TBC1D8B: variants seen among roughly 807,000 people sequenced by gnomAD.
TBC1D8B encodes the protein RP11-321G1.1.
In TBC1D8B, 75 loss-of-function variants were observed where a neutral mutation model predicts 82.9. The ratio of observed to expected loss-of-function variants is 0.90; its 90% CI spans 0.75 to 1.10. The LOEUF is 1.10. TBC1D8B is among the 50% of genes least tolerant of loss of function. The pLI is 0.00. For synonymous variants in TBC1D8B, 276 were observed against 276.8 expected, an observed-to-expected ratio of 1.00 and a Z score of 0.03; for missense variants, 794 against 796.9, an observed-to-expected ratio of 1.00 and a Z score of 0.04.
At chrX:106,809,310 A>G (rs1931286167) in intron 1 of TBC1D8B, among the ~76,000 whole-genome samples, 1 of 111,371 alleles carries the variant, frequency 9.0e-6, no homozygotes. Flanking sequence ...AGTATATGAT[A>G]TGACTGGTGC....
intron 1 of TBC1D8B, among the ~76,000 whole-genome samples, chrX:106,803,905 A>G (rs964296241): frequency 2.7e-5 from 3 of 111,637 alleles, no homozygotes; most frequent in African/African-American, 9.8e-5. Flanking sequence ...GAAGTGGTAG[A>G]CCAGGCAGCG....
At chrX:106,825,949 A>T in intron 5 of TBC1D8B, 81 bp from the exon 6 acceptor site, 1 of 800,981 alleles carries the variant, frequency 1.2e-6, no homozygotes, top group Non-Finnish European at 1.8e-6. Flanking sequence ...TATGTAGATT[A>T]GTCAATATAG....
intron 7 of TBC1D8B, 107 bp downstream of exon 7, chrX:106,827,444 GT>G (rs757295574): frequency 7.9e-5 from 69 of 872,950 alleles, no homozygotes; most frequent in Non-Finnish European, 1.0e-4. Flanking sequence ...ATGCCCAGGG[GT>G]TTTTTTTAAA....
chrX:106,853,431 TCTAA>T lies in TBC1D8B; in HGVS notation c.2124-82_2124-79del, dbSNP rs200230848. The T allele has an allele frequency of 1.6e-3, 1,571 of 953,322 alleles. 19 individuals are homozygous for T. In the African/African-American group the frequency reaches 0.027, roughly 17 times the overall value. The allele number at this position is 953,322 out of a possible 1,213,427, so 78.6% of individuals were successfully genotyped here. A position where few individuals can be genotyped will look rare whatever the true frequency, so the allele number is the denominator to read the frequency against. On this transcript the variant is annotated intron_variant, in intron 12 of 20. Transcript: ENST00000357242. Reference sequence around the variant, plus strand: ...CTTGTCCTCTCAGTTGAAAGTAACCTCTAACTAACTAGGGAGAAATTATGTGTCA... The same window carrying T: ...CTTGTCCTCTCAGTTGAAAGTAACCTCTAACTAGGGAGAAATTATGTGTCA...
rs1931835364 is a variant in TBC1D8B at position 106,826,100 on chromosome X, AAAG to A, written c.902_904del (p.Glu301del). 8.3e-7 allele frequency: 1 copy of A among 1,209,157 alleles called. No individual in the cohort carries two copies. ...TAGGCTGCCCAAAGGAGAGAGTTTG[AAAG>A]AAGTACATGAATGTTTCTTATGGGT... On this transcript the variant is annotated inframe_deletion, in exon 6 of 21. Transcript: ENST00000357242.
chrX:106,828,571 C>T (rs1931926874), intron 7 of TBC1D8B: 1 of 110,153 alleles, frequency 9.1e-6, no homozygotes. Context: ...AATCCAGCAG[C>T]ACATCAAAAA....
chrX:106,826,081 G>T lies in TBC1D8B; in HGVS notation c.879G>T (p.Leu293=). The T allele has an allele frequency of 8.3e-7, 1 of 1,210,628 alleles. No homozygotes were observed. The highest frequency in any genetic ancestry group is 1.8e-5 in the South Asian group (1 of 56,930). The change falls in exon 6 of 21, where the codon CTG becomes CTT. Residue 293 remains leucine, a synonymous_variant. Transcript: ENST00000357242. Reference sequence around the variant, plus strand: ...AGCAATTTAATGCCTTTTTTAGGCTGCCCAAAGGAGAGAGTTTGAAAGAAG... The same window carrying T: ...AGCAATTTAATGCCTTTTTTAGGCTTCCCAAAGGAGAGAGTTTGAAAGAAG... The part of the protein sequence containing the change: ...HSEQFNAFFR[L]PKGESLKEVH...
chrX:106,829,327 A>T (rs1931957840), intron 7 of TBC1D8B: 1 of 106,361 alleles, frequency 9.4e-6, no homozygotes, highest in Non-Finnish European at 1.9e-5. Flanking sequence ...TTCCATGCTC[A>T]TGGGTAGGAA....
intron 1 of TBC1D8B, among the ~76,000 whole-genome samples, chrX:106,807,219 C>A (rs933672919): frequency 1.9e-5 from 2 of 106,642 alleles, no homozygotes; most frequent in Admixed American, 2.1e-4. Context: ...CCCATACACA[C>A]ACACACAAAC....
intron 1 of TBC1D8B, among the ~76,000 whole-genome samples, chrX:106,813,658 T>C (rs1395846833): frequency 8.9e-6 from 1 of 112,090 alleles, no homozygotes; most frequent in Non-Finnish European, 1.9e-5. Flanking sequence ...CATTTGAAAT[T>C]CTAATTCCTT....
intron 11 of TBC1D8B, chrX:106,849,783 G>A (rs1932548854): frequency 2.2e-6 from 2 of 911,910 alleles, no homozygotes; most frequent in African/African-American, 4.1e-5. Flanking sequence ...ATAATACCTA[G>A]TACAGGTCTC....
chrX:106,812,841 T>C (rs1931417852), intron 1 of TBC1D8B, among the ~76,000 whole-genome samples: 1 of 111,644 alleles, frequency 9.0e-6, no homozygotes, highest in Non-Finnish European at 1.9e-5. Flanking sequence ...TATTTTTATT[T>C]ATTTATTCAT....
At position 106,818,710 on chromosome X, in the gene TBC1D8B, G is replaced by T; in HGVS notation, c.178G>T (p.Val60Leu). Residue 60 changes from valine (V) to leucine (L), a missense_variant, in exon 2 of 21, where the codon GTA becomes TTA. Transcript: ENST00000357242. ...LDSVLDSTAK[V>L]APFRILHQTP... ...TTCAGTCTTGGACTCTACTGCTAAA[G>T]TAGCTCCATTTCGCATCCTACACCA... is the stretch of plus-strand genomic sequence containing the variant. 1 of 1,209,167 alleles carries T rather than the reference G, an allele frequency of 8.3e-7. No homozygotes were observed. The highest frequency in any genetic ancestry group is 1.1e-6 in the Non-Finnish European group (1 of 893,965).
In TBC1D8B at chrX:106,830,859, T is replaced by C. The variant is rs772225001; in HGVS notation, c.1203+3522T>C. ...TACCTAATGCTAGAGGACGTGTTAGTGGGTGCAGCGCACCAGCATGGCACA... is the reference window on the plus strand; with the variant it reads ...TACCTAATGCTAGAGGACGTGTTAGCGGGTGCAGCGCACCAGCATGGCACA... On this transcript the variant is annotated intron_variant, in intron 7 of 20. Transcript: ENST00000357242. Among the ~76,000 whole-genome samples the C allele has an allele frequency of 9.6e-4, 104 of 107,872 alleles. 2 individuals carry two copies. The highest frequency in any genetic ancestry group is 3.4e-3 in the African/African-American group (100 of 29,659). The allele number at this position is 107,872 out of a possible 115,157, so 93.7% of individuals were successfully genotyped here.
Position 106,848,304 on chromosome X carries a change from G to T in TBC1D8B, c.1837+1G>T, listed in dbSNP as rs1481250374. On this transcript the variant is annotated splice_donor_variant, in intron 11 of 20. Coordinates refer to ENST00000357242, the MANE Select transcript of TBC1D8B (RefSeq NM_017752.3). LOFTEE classifies it high-confidence loss of function. ...GATTATTTTAATCGTCGAATTATTG[G>T]TAAAAGAAAAACCACACACACACAT... is the stretch of plus-strand genomic sequence containing the variant. The T allele has an allele frequency of 8.6e-7, 1 of 1,158,342 alleles. No homozygotes were observed. Among genetic ancestry groups the T allele is most frequent in the Non-Finnish European group, 1.2e-6 (1 of 856,013 alleles).
At chrX:106,850,417 C>T (rs1027399213) in intron 12 of TBC1D8B, 107 bp downstream of exon 12, 17 of 846,001 alleles carry the variant, frequency 2.0e-5, no homozygotes, top group African/African-American at 4.2e-5. Context: ...TCAGTTTGTC[C>T]GAGATTACAA....
chrX:106,805,072 CT>C (rs11432144), intron 1 of TBC1D8B, among the ~76,000 whole-genome samples: 7 of 54,593 alleles, frequency 1.3e-4, no homozygotes, highest in African/African-American at 5.5e-4. Flanking sequence ...TGCAAGTTTC[CT>C]TTTTTTTTTT....
chrX:106,837,892 G>T (rs1186086496), intron 7 of TBC1D8B, among the ~76,000 whole-genome samples: 1 of 111,201 alleles, frequency 9.0e-6, no homozygotes, highest in Non-Finnish European at 1.9e-5. Context: ...TCATATCTTG[G>T]CTATTTTGAG....
chrX:106,822,951 T>C (rs765670033), intron 4 of TBC1D8B, among the ~76,000 whole-genome samples: 9 of 111,010 alleles, frequency 8.1e-5, no homozygotes, highest in African/African-American at 2.6e-4. Flanking sequence ...GTCAAGGCTG[T>C]AATGAGCCAT....
Sources: allele counts gnomAD v4.1 joint callset (sites outside exome capture counted in the v4.1 genomes callset), GRCh38; gene constraint gnomAD v4.1.1; transcripts MANE v1.5; gene names NCBI Gene and HGNC (gene_info 2026-07-23, HGNC 2026-07-21).